JHY: variants seen among roughly 807,000 people sequenced by gnomAD.
JHY encodes the protein junctional cadherin complex regulator.
Under a neutral mutation model 78.0 loss-of-function variants are expected in JHY, and 69 were observed. The ratio of observed to expected loss-of-function variants is 0.88; its 90% CI spans 0.73 to 1.08. The LOEUF (loss-of-function observed/expected upper bound fraction) is 1.08. Among genes scored for constraint, JHY ranks in the 50% least tolerant of loss-of-function variants. The pLI is 0.00. For missense variants in JHY, 944 were observed against 927.8 expected, an observed-to-expected ratio of 1.02 and a Z score of -0.23; for synonymous variants, 368 against 342.6, an observed-to-expected ratio of 1.07 and a Z score of -0.82.
At position 122,934,550 on chromosome 11, in the gene JHY, G is replaced by A. The variant is rs774372446; in HGVS notation, c.1109G>A (p.Cys370Tyr). ...GCCAAGCTCAAGATTCGAAAGCAGT[G>A]TAAACACCAGAATGGCCTGAAGTCT... is the stretch of plus-strand genomic sequence containing the variant. The part of the protein sequence containing the change: ...RPAKLKIRKQ[C>Y]KHQNGLKSST... The change falls in exon 5 of 9, where the codon TGT becomes TAT. Residue 370 changes from cysteine (C) to tyrosine (Y), a missense_variant. Transcript: ENST00000227349. The A allele has an allele frequency of 1.9e-6, 3 of 1,614,100 alleles. No individual in the cohort carries two copies. The highest frequency in any genetic ancestry group is 2.2e-5 in the South Asian group (2 of 91,048).
In JHY at chr11:122,934,760, A is replaced by G. The variant is rs755419178; in HGVS notation, c.1319A>G (p.Asn440Ser). 6.2e-6 allele frequency: 10 copies of G among 1,614,070 alleles called. No individual in the cohort carries two copies. The highest frequency in any genetic ancestry group is 2.2e-5 in the East Asian group (1 of 44,902). ...LRSHNLKETSNTFAPPKQAFD... is the reference protein window; with the variant it reads ...LRSHNLKETSSTFAPPKQAFD... ...AGCCACAATCTCAAAGAAACCTCCA[A>G]TACATTTGCTCCACCAAAACAGGCT... The change falls in exon 5 of 9, where the codon AAT becomes AGT. Residue 440 changes from asparagine (N) to serine (S), a missense_variant. Transcript: ENST00000227349.
At chr11:122,923,132 G>C (rs1863412255) in intron 3 of JHY, among the ~76,000 whole-genome samples, 1 of 152,158 alleles carries the variant, frequency 6.6e-6, no homozygotes, top group African/African-American at 2.4e-5. Flanking sequence ...AGGAGAGCAG[G>C]GTCAGCTTCT....
At position 122,936,426 on chromosome 11, in the gene JHY, CT is replaced by C. The variant is rs761664487; in HGVS notation, c.1634+1363del. On this transcript the variant is annotated intron_variant, in intron 5 of 8. Transcript: ENST00000227349. ...AATGATAAATAGCAGGCATCTTTGT[CT>C]TTTTTTTTTTTCCTGATTTTAGAAA... Among the ~76,000 whole-genome samples the C allele has an allele frequency of 2.2e-3, 308 of 142,678 alleles. 1 individual carries two copies. The highest frequency in any genetic ancestry group is 5.4e-3 in the African/African-American group (213 of 39,300). The allele number at this position is 142,678 out of a possible 152,430, so 93.6% of individuals were successfully genotyped here.
chr11:122,934,121 C>T (rs376265289), intron 4 of JHY, among the ~76,000 whole-genome samples: 4 of 152,062 alleles, frequency 2.6e-5, no homozygotes, highest in Admixed American at 6.5e-5. Context: ...GGAAAAAAAT[C>T]GTCTACTTTT....
At chr11:122,953,473 G>A (rs1864133716) in intron 6 of JHY, among the ~76,000 whole-genome samples, 1 of 151,734 alleles carries the variant, frequency 6.6e-6, no homozygotes. Context: ...ATGGTGGCAG[G>A]CGCCTGTAAT....
intron 2 of JHY, among the ~76,000 whole-genome samples, chr11:122,901,969 C>T (rs1326453988): frequency 6.6e-6 from 1 of 151,990 alleles, no homozygotes; most frequent in Non-Finnish European, 1.5e-5. Context: ...TTCGAATCAT[C>T]AATATCACTG....
At chr11:122,884,127 CTG>C (rs1405817239) in intron 1 of JHY, among the ~76,000 whole-genome samples, 2 of 152,178 alleles carry the variant, frequency 1.3e-5, no homozygotes, top group African/African-American at 4.8e-5. Flanking sequence ...ACAAACCAGT[CTG>C]TAATATTAGA....
At chr11:122,913,923 T>C (rs914771367) in intron 3 of JHY, among the ~76,000 whole-genome samples, 3 of 151,706 alleles carry the variant, frequency 2.0e-5, no homozygotes, top group Non-Finnish European at 4.4e-5. Context: ...TTCATTGTTT[T>C]CAAAATGAAA....
At chr11:122,905,309 G>A in intron 3 of JHY, 2 of 1,603,024 alleles carry the variant, frequency 1.2e-6, no homozygotes, top group Non-Finnish European at 1.7e-6. Flanking sequence ...TACAGGACAA[G>A]AGTGGGGTTA....
At chr11:122,912,171 C>T (rs1036440782) in intron 3 of JHY, among the ~76,000 whole-genome samples, 10 of 151,666 alleles carry the variant, frequency 6.6e-5, no homozygotes, top group Admixed American at 2.6e-4. Context: ...CCTGTAATCC[C>T]ACCTACTCAA....
chr11:122,913,734 C>A (rs1863178203), intron 3 of JHY, among the ~76,000 whole-genome samples: 1 of 152,158 alleles, frequency 6.6e-6, no homozygotes, highest in Non-Finnish European at 1.5e-5. Context: ...TCCTGAACAT[C>A]TCCTGCAGAA....
intron 3 of JHY, among the ~76,000 whole-genome samples, chr11:122,915,316 G>A (rs945961689): frequency 3.9e-5 from 6 of 152,188 alleles, no homozygotes; most frequent in Non-Finnish European, 8.8e-5. Context: ...CTCTTAAGGA[G>A]CTTATGGCAG....
rs146265800 is a variant in JHY, at chr11:122,887,616, C to T, written c.344+1423C>T. Among the ~76,000 whole-genome samples, 261 of 151,836 alleles carry T rather than the reference C, an allele frequency of 1.7e-3. 2 individuals are homozygous for T. In the East Asian group the frequency reaches 0.045, roughly 26 times the overall value. On this transcript the variant is annotated intron_variant, in intron 2 of 8. Transcript: ENST00000227349. ...GATTACAGGCGTGAGCCACTGTGCCCGGCCGATTTTTTTTTTTTTTAATTC... is the reference window on the plus strand; with the variant it reads ...GATTACAGGCGTGAGCCACTGTGCCTGGCCGATTTTTTTTTTTTTTAATTC...
chr11:122,904,843 C>T (rs1467427958), intron 3 of JHY, among the ~76,000 whole-genome samples: 1 of 152,162 alleles, frequency 6.6e-6, no homozygotes, highest in Admixed American at 6.5e-5. Flanking sequence ...GCATTTGATT[C>T]CCTGTGTTGA....
intron 3 of JHY, among the ~76,000 whole-genome samples, chr11:122,915,841 G>T (rs1458869570): frequency 1.3e-5 from 2 of 152,194 alleles, no homozygotes; most frequent in Admixed American, 6.6e-5. Context: ...ACAGGTGGAA[G>T]TGGGTAGTTA....
intron 2 of JHY, among the ~76,000 whole-genome samples, chr11:122,889,185 A>T (rs1862558692): frequency 6.6e-6 from 1 of 152,224 alleles, no homozygotes; most frequent in Non-Finnish European, 1.5e-5. Context: ...TTTCTCTGAT[A>T]ACTTGTGAGC....
chr11:122,914,822 T>C (rs115980448), intron 3 of JHY, among the ~76,000 whole-genome samples: 2,121 of 152,276 alleles, frequency 0.014, 58 homozygotes, highest in African/African-American at 0.048. Context: ...CTATAGATGT[T>C]CATCGATTGA....
At chr11:122,939,951 A>G (rs1863837939) in intron 5 of JHY, among the ~76,000 whole-genome samples, 2 of 131,580 alleles carry the variant, frequency 1.5e-5, no homozygotes, top group Non-Finnish European at 3.2e-5. Context: ...GTCTCCAAAA[A>G]GCCTTTTACA....
At chr11:122,955,728 A>G (rs1257710416) in intron 6 of JHY, among the ~76,000 whole-genome samples, 1 of 152,178 alleles carries the variant, frequency 6.6e-6, no homozygotes, top group Non-Finnish European at 1.5e-5. Flanking sequence ...AATATTATAA[A>G]TAGATTATCA....
Sources: gnomAD v4.1 joint callset for allele counts (sites outside exome capture counted in the v4.1 genomes callset) on GRCh38, gnomAD v4.1.1 for gene constraint, MANE v1.5 for transcripts, NCBI Gene and HGNC (gene_info 2026-07-23, HGNC 2026-07-21) for gene names.